DLG2: variants seen among roughly 807,000 people sequenced by gnomAD.
DLG2 encodes the protein disks large homolog 2.
Under a neutral mutation model 132.5 loss-of-function variants are expected in DLG2, and 45 were observed. That is an observed-to-expected ratio of 0.34 (90% CI 0.27 to 0.44). The LOEUF (loss-of-function observed/expected upper bound fraction) is 0.44, where lower values mean the gene tolerates loss of function less well. Among genes scored for constraint, DLG2 ranks in the 20% least tolerant of loss-of-function variants. The probability of loss-of-function intolerance (pLI) is 1.00; values close to 1 mark genes in which losing one functional copy is unlikely to be tolerated. For missense variants in DLG2, 1,045 were observed against 1,196.9 expected, an observed-to-expected ratio of 0.87 and a Z score of 1.87; for synonymous variants, 424 against 419.6, an observed-to-expected ratio of 1.01 and a Z score of -0.13.
intron 3 of DLG2, among the ~76,000 whole-genome samples, chr11:85,334,252 G>A (rs745417551): frequency 4.6e-5 from 7 of 152,060 alleles, no homozygotes; most frequent in Non-Finnish European, 8.8e-5. Flanking sequence ...AGGATTTTTT[G>A]TATTCCTTTG....
intron 7 of DLG2, among the ~76,000 whole-genome samples, chr11:84,420,032 G>A (rs578077017): frequency 6.6e-6 from 1 of 152,118 alleles, no homozygotes; most frequent in Non-Finnish European, 1.5e-5. Flanking sequence ...AGAAACCTTC[G>A]TTACAATGAA....
chr11:84,287,741 G>GAC (rs373708341), intron 7 of DLG2, among the ~76,000 whole-genome samples: 63,455 of 138,950 alleles, frequency 0.46, 14,716 homozygotes, highest in Admixed American at 0.52. Context: ...CTCTCTCTTA[G>GAC]ACACACACAC....
intron 6 of DLG2, among the ~76,000 whole-genome samples, chr11:84,535,242 G>C (rs1465056812): frequency 6.6e-6 from 1 of 152,186 alleles, no homozygotes; most frequent in Non-Finnish European, 1.5e-5. Context: ...CACATTATTT[G>C]TATTAGACTC....
At chr11:83,994,830 A>G (rs781436037) in intron 11 of DLG2, among the ~76,000 whole-genome samples, 4 of 152,158 alleles carry the variant, frequency 2.6e-5, no homozygotes, top group African/African-American at 4.8e-5. Flanking sequence ...CCTGAAAGCT[A>G]TAAGAGTAAA....
At chr11:84,582,643 G>A (rs905543816) in intron 6 of DLG2, among the ~76,000 whole-genome samples, 16 of 151,736 alleles carry the variant, frequency 1.1e-4, no homozygotes, top group Non-Finnish European at 2.4e-4. Context: ...ACATAAAATT[G>A]TGTATATTTG....
Position 83,458,988 on chromosome 11 carries a change from A to G in DLG2, c.*830T>C, listed in dbSNP as rs1174778518. ...GGGAGAGTGCAACTTTCAGGTCTTG[A>G]ATTTGATCATCTGCTGATGTTGCAT... On this transcript the variant is annotated 3_prime_UTR_variant, in exon 28 of 28. Transcript: ENST00000376104. 6.6e-6 allele frequency: 1 copy of G among 152,300 alleles called. No homozygotes were observed. The highest frequency in any genetic ancestry group is 1.5e-5 in the Non-Finnish European group (1 of 68,038). 9.4% of individuals were successfully genotyped at this position (152,300 alleles called of 1,614,324 possible).
At chr11:85,561,109 A>C (rs1001067673) in intron 3 of DLG2, among the ~76,000 whole-genome samples, 9 of 151,220 alleles carry the variant, frequency 6.0e-5, no homozygotes, top group African/African-American at 2.2e-4. Flanking sequence ...TAATCCCAGC[A>C]GTTTGGGAGG....
intron 7 of DLG2, among the ~76,000 whole-genome samples, chr11:84,424,961 A>C (rs1213016316): frequency 6.6e-6 from 1 of 152,066 alleles, no homozygotes; most frequent in Non-Finnish European, 1.5e-5. Flanking sequence ...TATTGTTTAC[A>C]CTGTTTAAGC....
intron 2 of DLG2, among the ~76,000 whole-genome samples, chr11:85,612,383 C>T: frequency 6.6e-6 from 1 of 152,316 alleles, no homozygotes; most frequent in East Asian, 1.9e-4. Context: ...TCCTCCCAGG[C>T]AAGTAAGGAA....
intron 6 of DLG2, among the ~76,000 whole-genome samples, chr11:84,673,813 T>G (rs1407820235): frequency 6.6e-6 from 1 of 152,038 alleles, no homozygotes; most frequent in African/African-American, 2.4e-5. Flanking sequence ...AGGGACTTCC[T>G]CATCTATTAT....
rs534959950 is a variant in DLG2, at chr11:83,569,589, G to A, written c.1941-27731C>T. ...GAAGCTGATCTGGGATGCAAACCCA[G>A]GACTGTTATGTAATGATTGTTCCAG... On this transcript the variant is annotated intron_variant, in intron 19 of 27. Coordinates refer to ENST00000376104, the MANE Select transcript of DLG2 (RefSeq NM_001142699.3). 3.3e-5 allele frequency among the ~76,000 whole-genome samples: 5 copies of A among 152,296 alleles called. No individual in the cohort carries two copies. In the South Asian group the frequency reaches 1.0e-3, roughly 32 times the overall value.
chr11:84,841,900 T>C (rs890296274), intron 6 of DLG2, among the ~76,000 whole-genome samples: 2 of 152,010 alleles, frequency 1.3e-5, no homozygotes, highest in Admixed American at 6.6e-5. Context: ...ACAGATAATG[T>C]TGCAGTAAAC....
chr11:84,427,412 C>G (rs187263949), intron 7 of DLG2, among the ~76,000 whole-genome samples: 7 of 152,232 alleles, frequency 4.6e-5, no homozygotes, highest in Non-Finnish European at 8.8e-5. Context: ...GTCATTTGCT[C>G]AAGGTCACCC....
chr11:84,514,705 A>G (rs980776065), intron 7 of DLG2, among the ~76,000 whole-genome samples: 1 of 151,904 alleles, frequency 6.6e-6, no homozygotes, highest in African/African-American at 2.4e-5. Flanking sequence ...GGATGTTTAA[A>G]GTATGCCAAA....
chr11:84,925,249 CAGA>C (rs1199750168), intron 6 of DLG2, among the ~76,000 whole-genome samples: 8 of 152,124 alleles, frequency 5.3e-5, no homozygotes, highest in Admixed American at 3.9e-4. Flanking sequence ...TTACAAATCT[CAGA>C]ACAGCTCGCA....
At chr11:84,711,089 T>C (rs979199447) in intron 6 of DLG2, among the ~76,000 whole-genome samples, 8 of 150,562 alleles carry the variant, frequency 5.3e-5, no homozygotes, top group Non-Finnish European at 7.4e-5. Context: ...AAATGTTTTC[T>C]ACTATGGTGT....
At chr11:84,810,298 T>C (rs997765657) in intron 6 of DLG2, among the ~76,000 whole-genome samples, 12 of 152,084 alleles carry the variant, frequency 7.9e-5, no homozygotes, top group Non-Finnish European at 1.5e-4. Context: ...TAGGTGAAGA[T>C]AGGAAGAGAT....
chr11:84,176,473 T>C (rs2095972061), intron 8 of DLG2, among the ~76,000 whole-genome samples: 1 of 151,516 alleles, frequency 6.6e-6, no homozygotes, highest in African/African-American at 2.4e-5. Context: ...GTGTTCAATA[T>C]TCATACAGAA....
At chr11:85,127,803 A>G (rs2075303807) in intron 5 of DLG2, among the ~76,000 whole-genome samples, 1 of 152,166 alleles carries the variant, frequency 6.6e-6, no homozygotes, top group Non-Finnish European at 1.5e-5. Flanking sequence ...TAGCTTTTCC[A>G]AATACCTTAT....
Sources: allele counts gnomAD v4.1 joint callset (sites outside exome capture counted in the v4.1 genomes callset), GRCh38; gene constraint gnomAD v4.1.1; transcripts MANE v1.5; gene names NCBI Gene and HGNC (gene_info 2026-07-23, HGNC 2026-07-21).